CDH20: variants seen among roughly 807,000 people sequenced by gnomAD.
The protein encoded by CDH20 is cadherin 20, also known as cadherin-20.
In CDH20, 29 loss-of-function variants were observed where a neutral mutation model predicts 74.2. The ratio of observed to expected loss-of-function variants is 0.39; its 90% confidence interval spans 0.29 to 0.53. The LOEUF is 0.53. CDH20 is among the 20% of genes least tolerant of loss of function. CDH20 has a pLI of 0.69. For synonymous variants in CDH20, 469 were observed against 405.4 expected, an observed-to-expected ratio of 1.16 and a Z score of -1.88; for missense variants, 988 against 1,048.3, an observed-to-expected ratio of 0.94 and a Z score of 0.79.
chr18:61,543,713 C>G (rs1384925952), intron 9 of CDH20, among the ~76,000 whole-genome samples: 2 of 152,184 alleles, frequency 1.3e-5, no homozygotes, highest in Non-Finnish European at 2.9e-5. Flanking sequence ...TCCCTCCTGC[C>G]AACAAAATGT....
rs1156579893 is a variant in CDH20 at position 61,333,729 on chromosome 18, G to C, written c.-251G>C. 1 of 153,024 alleles carries C rather than the reference G, an allele frequency of 6.5e-6. No homozygotes were observed. Among genetic ancestry groups the C allele is most frequent in the East Asian group, 1.9e-4 (1 of 5,200 alleles). The allele number at this position is 153,024 out of a possible 1,614,324, so 9.5% of individuals were successfully genotyped here. On this transcript the variant is annotated 5_prime_UTR_variant, in exon 1 of 12. Transcript: ENST00000262717. ...GAGCAGGGGTGAAGAGACCCAGCGG[G>C]GCACCAGCCGCCCAGTGGGGGAGGC...
At chr18:61,359,413 GA>G (rs960042525) in intron 1 of CDH20, among the ~76,000 whole-genome samples, 4 of 150,388 alleles carry the variant, frequency 2.7e-5, no homozygotes, top group African/African-American at 7.3e-5. Context: ...AAGAAAGAAA[GA>G]AAAAAAAAGA....
chr18:61,352,588 C>A (rs193020375), intron 1 of CDH20, among the ~76,000 whole-genome samples: 25 of 152,250 alleles, frequency 1.6e-4, no homozygotes, highest in Admixed American at 7.2e-4. Flanking sequence ...TCCTGAGGGC[C>A]TGCCATGATA....
At chr18:61,458,117 T>A (rs1429415559) in intron 1 of CDH20, among the ~76,000 whole-genome samples, 1 of 152,206 alleles carries the variant, frequency 6.6e-6, no homozygotes, top group African/African-American at 2.4e-5. Flanking sequence ...GTTGTCTGCC[T>A]GAGTCTTGCT....
At chr18:61,479,192 T>A (rs1380813188) in intron 1 of CDH20, among the ~76,000 whole-genome samples, 10 of 152,194 alleles carry the variant, frequency 6.6e-5, no homozygotes, top group African/African-American at 2.4e-4. Flanking sequence ...TTTATTTTAT[T>A]GCAAGTAGAA....
intron 1 of CDH20, among the ~76,000 whole-genome samples, chr18:61,382,997 T>A (rs923138332): frequency 6.6e-6 from 1 of 152,124 alleles, no homozygotes; most frequent in Non-Finnish European, 1.5e-5. Flanking sequence ...AGCTTCTCAA[T>A]CTCTCTGGGC....
intron 1 of CDH20, among the ~76,000 whole-genome samples, chr18:61,368,858 T>C (rs1428054176): frequency 8.1e-6 from 1 of 122,756 alleles, no homozygotes; most frequent in Non-Finnish European, 1.6e-5. Flanking sequence ...CTAGTTCTTT[T>C]TCAAAAAAAA....
intron 1 of CDH20, chr18:61,334,184 T>A (rs1317727477): frequency 6.6e-6 from 1 of 152,076 alleles, no homozygotes; most frequent in Non-Finnish European, 1.5e-5. Flanking sequence ...TGGGGGCGCT[T>A]GGCACGGCTT....
intron 6 of CDH20, among the ~76,000 whole-genome samples, chr18:61,520,211 GA>G (rs1912148429): frequency 6.7e-6 from 1 of 150,268 alleles, no homozygotes; most frequent in African/African-American, 2.5e-5. Flanking sequence ...AGCTACTCGG[GA>G]GGCTGAGGCA....
At chr18:61,475,217 A>G (rs1027970471) in intron 1 of CDH20, among the ~76,000 whole-genome samples, 8 of 152,252 alleles carry the variant, frequency 5.3e-5, no homozygotes, top group African/African-American at 1.7e-4. Context: ...GGAAAGACAG[A>G]TCTGAGAAAG....
chr18:61,361,189 G>C (rs747600378), intron 1 of CDH20, among the ~76,000 whole-genome samples: 1 of 152,180 alleles, frequency 6.6e-6, no homozygotes, highest in Non-Finnish European at 1.5e-5. Context: ...CTCTTCTGCT[G>C]TAGGTTCGCT....
At chr18:61,463,354 CTG>C (rs1909852987) in intron 1 of CDH20, among the ~76,000 whole-genome samples, 1 of 152,112 alleles carries the variant, frequency 6.6e-6, no homozygotes, top group Non-Finnish European at 1.5e-5. Context: ...CCTTGGTGGT[CTG>C]TGTGAATCTC....
chr18:61,360,498 A>G (rs1910651918), intron 1 of CDH20, among the ~76,000 whole-genome samples: 2 of 151,842 alleles, frequency 1.3e-5, no homozygotes, highest in African/African-American at 2.4e-5. Flanking sequence ...CCCCATGTTA[A>G]GTGTGTAAAG....
At chr18:61,464,525 A>C (rs1447315634) in intron 1 of CDH20, among the ~76,000 whole-genome samples, 3 of 152,162 alleles carry the variant, frequency 2.0e-5, no homozygotes, top group Admixed American at 1.3e-4. Flanking sequence ...ATGTCCAGGA[A>C]TATCCCCTCC....
chr18:61,346,381 C>A (rs555531871), intron 1 of CDH20, among the ~76,000 whole-genome samples: 1 of 152,128 alleles, frequency 6.6e-6, no homozygotes, highest in African/African-American at 2.4e-5. Context: ...GCATTTGATT[C>A]TGGGCAAAAG....
intron 1 of CDH20, among the ~76,000 whole-genome samples, chr18:61,430,144 T>A (rs781779896): frequency 3.0e-4 from 45 of 152,114 alleles, no homozygotes; most frequent in Admixed American, 4.6e-4. Flanking sequence ...ACAAAATGCC[T>A]GACTTTTGCA....
intron 1 of CDH20, among the ~76,000 whole-genome samples, chr18:61,419,005 T>C (rs1316534185): frequency 2.6e-5 from 4 of 152,174 alleles, no homozygotes; most frequent in Non-Finnish European, 4.4e-5. Flanking sequence ...CTTCTTTCAT[T>C]TTAACTGCTG....
chr18:61,352,710 A>G (rs1040688422), intron 1 of CDH20, among the ~76,000 whole-genome samples: 1 of 152,228 alleles, frequency 6.6e-6, no homozygotes, highest in Non-Finnish European at 1.5e-5. Context: ...ACAAAATTAA[A>G]TGTTAGTAAC....
intron 1 of CDH20, among the ~76,000 whole-genome samples, chr18:61,415,976 G>A (rs1912668878): frequency 6.6e-6 from 1 of 151,634 alleles, no homozygotes; most frequent in Non-Finnish European, 1.5e-5. Flanking sequence ...TAGCCTAATT[G>A]TTAATAATTG....
Sources: gnomAD v4.1 joint callset for allele counts (sites outside exome capture counted in the v4.1 genomes callset) on GRCh38, gnomAD v4.1.1 for gene constraint, MANE v1.5 for transcripts, NCBI Gene and HGNC (gene_info 2026-07-23, HGNC 2026-07-21) for gene names.